RCBTB1: variants seen among roughly 807,000 people sequenced by gnomAD.
RCBTB1 encodes RCC1 and BTB domain-containing protein 1.
A neutral mutation model predicts 62.4 loss-of-function variants in RCBTB1; 46 were observed. That is an observed-to-expected ratio of 0.74 (90% confidence interval 0.58 to 0.94). The LOEUF is 0.94. Ranked by LOEUF, RCBTB1 falls within the 40% of genes least tolerant of loss-of-function variation. The probability of loss-of-function intolerance (pLI) is 0.00; values close to 1 mark genes in which losing one functional copy is unlikely to be tolerated. For missense variants in RCBTB1, 565 were observed against 654.9 expected, an observed-to-expected ratio of 0.86 and a Z score of 1.50; for synonymous variants, 222 against 245.8, an observed-to-expected ratio of 0.90 and a Z score of 0.91.
At chr13:49,562,230 T>C (rs796637216) in intron 4 of RCBTB1, among the ~76,000 whole-genome samples, 27 of 152,192 alleles carry the variant, frequency 1.8e-4, no homozygotes, top group African/African-American at 6.5e-4. Context: ...AAAGAACACT[T>C]GGAAATAAAA....
chr13:49,575,850 C>G (rs143270235), intron 2 of RCBTB1, among the ~76,000 whole-genome samples: 1,833 of 152,144 alleles, frequency 0.012, 45 homozygotes, highest in African/African-American at 0.043. Flanking sequence ...ACACGCTATA[C>G]CCATGTAACA....
intron 9 of RCBTB1, chr13:49,547,133 C>T (rs1026408403): frequency 2.8e-5 from 36 of 1,280,112 alleles, no homozygotes; most frequent in Admixed American, 7.0e-5. Context: ...CCAAATAGTC[C>T]CATTCAGTGA....
At chr13:49,557,994 A>G (rs748000256) in intron 5 of RCBTB1, among the ~76,000 whole-genome samples, 5 of 152,224 alleles carry the variant, frequency 3.3e-5, no homozygotes, top group Admixed American at 1.3e-4. Flanking sequence ...TGAATAGACA[A>G]ACAAAGTGTG....
rs1177436058 is a variant in RCBTB1 at position 49,534,232 on chromosome 13, T to C, written c.1486A>G (p.Ile496Val). 1.8e-5 allele frequency: 29 copies of C among 1,613,954 alleles called. No homozygotes were observed. The highest frequency in any genetic ancestry group is 2.4e-5 in the Non-Finnish European group (28 of 1,179,960). Residue 496 changes from isoleucine (I) to valine (V), a missense_variant, in exon 13 of 13, where the codon ATC becomes GTC. By Grantham distance (29) the Ile-to-Val change is conservative. Transcript: ENST00000378302. ...DLEEFCFKFC[I>V]NHLTEVTQTA... ...TGTGTAACTTCTGTCAAATGATTGATGCAAAACTTAAAGCAGAATTCTTCT... is the reference window on the plus strand; with the variant it reads ...TGTGTAACTTCTGTCAAATGATTGACGCAAAACTTAAAGCAGAATTCTTCT...
intron 4 of RCBTB1, among the ~76,000 whole-genome samples, chr13:49,562,794 T>C (rs1022765334): frequency 3.5e-5 from 5 of 141,918 alleles, no homozygotes; most frequent in African/African-American, 1.0e-4. Context: ...TTTTTTTTTT[T>C]TTTTTTTTTT....
chr13:49,567,885 C>T (rs61961401), intron 2 of RCBTB1, among the ~76,000 whole-genome samples: 6,195 of 152,222 alleles, frequency 0.041, 160 homozygotes, highest in South Asian at 0.08. Flanking sequence ...ATTTGGATGT[C>T]TTGACAAATG....
chr13:49,558,801 T>C (rs1329022549), intron 5 of RCBTB1, among the ~76,000 whole-genome samples: 1 of 152,098 alleles, frequency 6.6e-6, no homozygotes, highest in Non-Finnish European at 1.5e-5. Flanking sequence ...ACATTTGTGA[T>C]CGTTTGCTTT....
intron 9 of RCBTB1, 84 bp from the exon 10 acceptor site, chr13:49,544,947 C>G: frequency 1.9e-6 from 2 of 1,049,706 alleles, no homozygotes; most frequent in Non-Finnish European, 2.7e-6. Flanking sequence ...TCATCATGAC[C>G]GTGATGGATA....
intron 4 of RCBTB1, among the ~76,000 whole-genome samples, chr13:49,565,458 GTC>G (rs1177861969): frequency 1.3e-5 from 2 of 149,504 alleles, no homozygotes; most frequent in African/African-American, 5.0e-5. Flanking sequence ...AGTGAGGAGC[GTC>G]TCTGCCTGGC....
At position 49,540,845 on chromosome 13, in the gene RCBTB1, T is replaced by A. The variant is rs2296502; in HGVS notation, c.1455+31A>T. The A allele has an allele frequency of 0.06, 96,389 of 1,605,926 alleles. 3,543 individuals carry two copies. Among genetic ancestry groups the A allele is most frequent in the South Asian group, 0.14 (12,133 of 89,592 alleles). ...AGACGAGCACAAAGGGAGTTAAAGG[T>A]GGTCTGGTTTCTGTTTGTTGTTTAA... On this transcript the variant is annotated intron_variant, in intron 12 of 12. Transcript: ENST00000378302.
intron 1 of RCBTB1, among the ~76,000 whole-genome samples, chr13:49,584,403 G>T (rs1057337120): frequency 6.6e-6 from 1 of 152,188 alleles, no homozygotes; most frequent in South Asian, 2.1e-4. Context: ...CCATCCCACA[G>T]ATGAACTGTT....
intron 8 of RCBTB1, chr13:49,550,521 T>G (rs1961240053): frequency 4.2e-6 from 2 of 477,394 alleles, no homozygotes; most frequent in Non-Finnish European, 5.5e-6. Context: ...CAAGCATCTA[T>G]TCCAGTAACA....
Position 49,551,418 on chromosome 13 carries a change from C to G in RCBTB1, c.762G>C (p.Leu254=), listed in dbSNP as rs1238428430. 4.3e-6 allele frequency: 7 copies of G among 1,614,100 alleles called. No homozygotes were observed. Among genetic ancestry groups the G allele is most frequent in the Non-Finnish European group, 5.1e-6 (6 of 1,180,048 alleles). ...CATATGTGTTAGCTCCCCAGGCATA[C>G]AGCAAGCCCTCATCTGTTAGTGCTA... ...HTLALTDEGL[L]YAWGANTYGQ... Residue 254 remains leucine (L), a synonymous_variant, in exon 8 of 13, where the codon CTG becomes CTC. Coordinates refer to ENST00000378302, the MANE Select transcript of RCBTB1 (RefSeq NM_018191.4).
chr13:49,555,215 TTAATC>T (rs901027070), intron 6 of RCBTB1, among the ~76,000 whole-genome samples: 18 of 152,236 alleles, frequency 1.2e-4, no homozygotes, highest in African/African-American at 4.1e-4. Context: ...ATTAAATTCT[TTAATC>T]TATTACATTA....
intron 2 of RCBTB1, among the ~76,000 whole-genome samples, chr13:49,568,650 GGGGA>G (rs143011959): frequency 0.58 from 81,431 of 141,010 alleles, 22,626 homozygotes; most frequent in Non-Finnish European, 0.64. Context: ...AATCAGGCCG[GGGGA>G]GGGGGGTGGC....
chr13:49,566,850 C>A, intron 3 of RCBTB1, 82 bp from the exon 4 acceptor site: 1 of 1,314,658 alleles, frequency 7.6e-7, no homozygotes, highest in Non-Finnish European at 1.0e-6. Flanking sequence ...GAAAATAAGA[C>A]ATTTCAACTA....
intron 12 of RCBTB1, among the ~76,000 whole-genome samples, chr13:49,540,103 TG>T (rs1369157684): frequency 1.3e-5 from 2 of 152,228 alleles, no homozygotes; most frequent in Non-Finnish European, 2.9e-5. Context: ...TCTCTGAATC[TG>T]TGAAACCAAC....
chr13:49,544,038 C>T (rs1266001204), intron 10 of RCBTB1, among the ~76,000 whole-genome samples: 1 of 152,194 alleles, frequency 6.6e-6, no homozygotes, highest in Non-Finnish European at 1.5e-5. Context: ...AGAAGCACAG[C>T]ATTCCTATGA....
chr13:49,539,728 C>A (rs1425101131), intron 12 of RCBTB1, among the ~76,000 whole-genome samples: 1 of 152,170 alleles, frequency 6.6e-6, no homozygotes, highest in East Asian at 1.9e-4. Flanking sequence ...AATCATACCC[C>A]ATTTTCTATT....
Sources: allele counts gnomAD v4.1 joint callset (sites outside exome capture counted in the v4.1 genomes callset), GRCh38; gene constraint gnomAD v4.1.1; transcripts MANE v1.5; gene names NCBI Gene and HGNC (gene_info 2026-07-23, HGNC 2026-07-21).